DNAH5: variants seen among roughly 807,000 people sequenced by gnomAD.
The protein encoded by DNAH5 is axonemal beta dynein heavy chain 5.
DNAH5 carries 372 observed loss-of-function variants against 518.2 expected under a neutral mutation model. That is an observed-to-expected ratio of 0.72 (90% confidence interval 0.66 to 0.78). DNAH5 has a LOEUF of 0.78. Ranked by LOEUF, DNAH5 falls within the 30% of genes least tolerant of loss-of-function variation. The pLI is 0.00. For missense variants in DNAH5, 5,523 were observed against 5,687.0 expected (o/e 0.97, Z 0.93); for synonymous variants, 2,039 against 2,025.9 (o/e 1.01, Z -0.17).
intron 30 of DNAH5, among the ~76,000 whole-genome samples, chr5:13,851,322 T>C (rs889781841): frequency 2.6e-5 from 4 of 152,194 alleles, no homozygotes; most frequent in African/African-American, 9.7e-5. Context: ...TTTTCTTCCT[T>C]TTTTAAGACA....
chr5:13,699,467 A>C (rs1172849405), intron 78 of DNAH5, among the ~76,000 whole-genome samples: 2 of 152,158 alleles, frequency 1.3e-5, no homozygotes, highest in Non-Finnish European at 2.9e-5. Context: ...TAATCCTAGC[A>C]CTTTGGGAGG....
At chr5:13,917,368 T>C in intron 7 of DNAH5, 112 bp from the exon 8 acceptor site, 1 of 796,942 alleles carries the variant, frequency 1.3e-6, no homozygotes, top group Non-Finnish European at 2.1e-6. Flanking sequence ...TCTGTCCATC[T>C]CACAGAAAAC....
chr5:13,811,799 G>C lies in DNAH5; in HGVS notation c.7255C>G (p.Gln2419Glu), dbSNP rs1760758090. 1.9e-6 allele frequency: 3 copies of C among 1,614,024 alleles called. No homozygotes were observed. The highest frequency in any genetic ancestry group is 2.5e-6 in the Non-Finnish European group (3 of 1,180,012). Reference sequence around the variant, plus strand: ...AGCTGACGAAGAATTTCTGCTTCTTGAGGTGAGCGTTTCTTAAGAAAACCC... The same window carrying C: ...AGCTGACGAAGAATTTCTGCTTCTTCAGGTGAGCGTTTCTTAAGAAAACCC... ...LEGFLKKRSP[Q>E]EAEILRQLYT... is the part of the protein sequence containing the mutation. Residue 2419 changes from glutamine to glutamate, a missense_variant, in exon 44 of 79, where the codon CAA becomes GAA. Gln to Glu is a conservative substitution (Grantham distance 29, BLOSUM62 2). This residue lies in a region of DNAH5 where 5,121 missense variants were observed against 5,223.3 expected (regional missense o/e 0.98). Transcript: ENST00000265104.
chr5:13,913,446 C>T (rs1355673912), intron 11 of DNAH5, among the ~76,000 whole-genome samples: 1 of 151,994 alleles, frequency 6.6e-6, no homozygotes, highest in Admixed American at 6.6e-5. Flanking sequence ...ATAAATAAAA[C>T]AATAAGTTAC....
In DNAH5 at chr5:13,766,170, G is replaced by A. The variant is rs770166503; in HGVS notation, c.9907C>T (p.Pro3303Ser). Residue 3303 changes from proline (P) to serine (S), a missense_variant, in exon 59 of 79, where the codon CCT becomes TCT. Pro to Ser is a moderately conservative substitution (Grantham distance 74). Transcript: ENST00000265104. ...EAEAALQTIR[P>S]SDIATVRTLG... ...GTGCGAACAGTGGCGATGTCCGAAGGCCTGATGGTCTGGGGGATGAAAGGA... is the reference window on the plus strand; with the variant it reads ...GTGCGAACAGTGGCGATGTCCGAAGACCTGATGGTCTGGGGGATGAAAGGA... The A allele has an allele frequency of 6.2e-7, 1 of 1,614,072 alleles. No individual in the cohort carries two copies. Among genetic ancestry groups the A allele is most frequent in the East Asian group, 2.2e-5 (1 of 44,904 alleles).
At chr5:13,864,766 C>A in intron 27 of DNAH5, 129 bp from the exon 28 acceptor site, 1 of 1,030,964 alleles carries the variant, frequency 9.7e-7, no homozygotes, top group Non-Finnish European at 1.5e-6. Context: ...AATCCCATGA[C>A]TTGCAGGCTG....
chr5:13,776,000 C>T (rs10474994), intron 55 of DNAH5, among the ~76,000 whole-genome samples: 3,600 of 149,388 alleles, frequency 0.024, 153 homozygotes, highest in African/African-American at 0.085. Flanking sequence ...GCTAAATGTA[C>T]GCTCTCTAAC....
chr5:13,862,210 C>T (rs148610724), intron 29 of DNAH5, among the ~76,000 whole-genome samples: 186 of 152,204 alleles, frequency 1.2e-3, no homozygotes, highest in African/African-American at 4.1e-3. Context: ...GCTAATTATA[C>T]GTTGCATTAT....
rs200836910 is a variant in DNAH5, at chr5:13,713,434, CATATATATATAT to C, written c.13125+959_13125+970del. On this transcript the variant is annotated intron_variant, in intron 75 of 78. Coordinates refer to ENST00000265104, the MANE Select transcript of DNAH5 (RefSeq NM_001369.3). ...ACCGACATATATATATATACATCGA[CATATATATATAT>C]ATATATATATATATATATATACACA... Among the ~76,000 whole-genome samples, 176 of 70,656 alleles carry C rather than the reference CATATATATATAT, an allele frequency of 2.5e-3. 3 individuals are homozygous for C. Among genetic ancestry groups the C allele is most frequent in the African/African-American group, 9.4e-3 (159 of 17,002 alleles). The allele number at this position is 70,656 out of a possible 152,430, so 46.4% of individuals were successfully genotyped here. A position where few individuals can be genotyped will look rare whatever the true frequency, so the allele number is the denominator to read the frequency against.
intron 1 of DNAH5, among the ~76,000 whole-genome samples, chr5:14,008,627 C>CT (rs1784897865): frequency 6.6e-6 from 1 of 150,476 alleles, no homozygotes. Flanking sequence ...GAGCGAGACT[C>CT]TGTCTCAAAA....
At chr5:13,897,636 C>T (rs746394423) in intron 15 of DNAH5, 1 of 152,208 alleles carries the variant, frequency 6.6e-6, no homozygotes, top group South Asian at 2.1e-4. Context: ...CACAATAATT[C>T]TGCAACACTT....
intron 35 of DNAH5, among the ~76,000 whole-genome samples, chr5:13,833,086 GT>G (rs1440325470): frequency 1.4e-5 from 2 of 143,532 alleles, no homozygotes; most frequent in Non-Finnish European, 3.0e-5. Flanking sequence ...TATAGGGCAT[GT>G]TTAAGGAGAA....
intron 58 of DNAH5, among the ~76,000 whole-genome samples, chr5:13,767,282 G>C (rs1752631829): frequency 1.3e-5 from 2 of 152,100 alleles, no homozygotes; most frequent in South Asian, 4.1e-4. Context: ...ACACCACCAT[G>C]CCGGGCTAAT....
chr5:13,824,227 A>T lies in DNAH5; in HGVS notation c.6551T>A (p.Val2184Glu), dbSNP rs200805455. 2 of 1,613,964 alleles carry T rather than the reference A, an allele frequency of 1.2e-6. No individual in the cohort carries two copies. Among genetic ancestry groups the T allele is most frequent in the South Asian group, 2.2e-5 (2 of 91,080 alleles). The change falls in exon 39 of 79, where the codon GTA (valine) becomes GAA (glutamate). Residue 2184 changes from valine (V) to glutamate (E), a missense_variant. By Grantham distance (121) the Val-to-Glu change is moderately radical (BLOSUM62 -2). Around this residue, in one of 3 missense-constraint regions of DNAH5, gnomAD observed 5,121 missense variants for 5,223.3 expected, o/e 0.98. Transcript: ENST00000265104. Reference protein sequence around the residue: ...MDTESTIVMRVLRDMNLSKLI... With the variant: ...MDTESTIVMRELRDMNLSKLI... The stretch of plus-strand genomic sequence containing the variant: ...TTTAGAAAGATTCATGTCCCGTAGT[A>T]CACGCATGACAATCGTGGACTCCGT...
chr5:13,994,583 T>A (rs1291830156), intron 1 of DNAH5, among the ~76,000 whole-genome samples: 1 of 152,194 alleles, frequency 6.6e-6, no homozygotes, highest in African/African-American at 2.4e-5. Flanking sequence ...AAGCCTGACC[T>A]GACACAGAAA....
At chr5:13,950,334 T>C (rs1252124265) in intron 1 of DNAH5, among the ~76,000 whole-genome samples, 1 of 152,082 alleles carries the variant, frequency 6.6e-6, no homozygotes, top group African/African-American at 2.4e-5. Context: ...TGGAGTGCAA[T>C]GGCGTGATCT....
chr5:13,758,804 T>G, intron 61 of DNAH5, 42 bp downstream of exon 61: 1 of 1,613,808 alleles, frequency 6.2e-7, no homozygotes, highest in Non-Finnish European at 8.5e-7. Flanking sequence ...AGAGAAGCCG[T>G]GTAGATATGT....
At chr5:13,826,839 CAGA>C (rs2151829359) in intron 38 of DNAH5, among the ~76,000 whole-genome samples, 1 of 152,240 alleles carries the variant, frequency 6.6e-6, no homozygotes, top group Non-Finnish European at 1.5e-5. Context: ...TTGGATGGCT[CAGA>C]AGAAGACTGA....
At chr5:14,007,264 A>G (rs1784784683) in intron 1 of DNAH5, among the ~76,000 whole-genome samples, 1 of 152,202 alleles carries the variant, frequency 6.6e-6, no homozygotes, top group African/African-American at 2.4e-5. Context: ...CTGCATCACA[A>G]GCTCTTTCAT....
Sources: gnomAD v4.1 joint callset for allele counts (sites outside exome capture counted in the v4.1 genomes callset) on GRCh38, gnomAD v4.1.1 for gene constraint, gnomAD v4.1.1 regional missense constraint, MANE v1.5 for transcripts, NCBI Gene and HGNC (gene_info 2026-07-23, HGNC 2026-07-21) for gene names.